The following PDLIM5 variants were observed in gnomAD, a reference collection of about 807,000 sequenced individuals.
PDLIM5 encodes PDZ and LIM domain protein 5.
PDLIM5 carries 34 observed loss-of-function variants against 64.2 expected under a neutral mutation model. That is an observed-to-expected ratio of 0.53 (90% CI 0.40 to 0.71). The LOEUF (loss-of-function observed/expected upper bound fraction) is 0.71, where lower values mean the gene tolerates loss of function less well. Among genes scored for constraint, PDLIM5 ranks in the 30% least tolerant of loss-of-function variants. The pLI is 0.00. For missense variants in PDLIM5, 683 were observed against 733.6 expected (o/e 0.93, Z 0.80); for synonymous variants, 253 against 269.1 (o/e 0.94, Z 0.59).
At chr4:94,572,584 A>G (rs1447254865) in intron 3 of PDLIM5, among the ~76,000 whole-genome samples, 1 of 152,234 alleles carries the variant, frequency 6.6e-6, no homozygotes, top group Non-Finnish European at 1.5e-5. Context: ...TACAAAAAAC[A>G]TATATTTAAA....
intron 3 of PDLIM5, among the ~76,000 whole-genome samples, chr4:94,562,510 G>T (rs990875072): frequency 1.3e-5 from 2 of 152,118 alleles, no homozygotes; most frequent in Non-Finnish European, 2.9e-5. Context: ...TTTGTTCCTG[G>T]TCTGTAGGGA....
At chr4:94,510,631 G>T (rs977497035) in intron 2 of PDLIM5, among the ~76,000 whole-genome samples, 1 of 152,072 alleles carries the variant, frequency 6.6e-6, no homozygotes, top group Admixed American at 6.5e-5. Context: ...CAATGATCTC[G>T]TCTTTTTCAT....
In PDLIM5 at chr4:94,526,310, T is replaced by C. The variant is rs1203376031; in HGVS notation, c.248+2435T>C. On this transcript the variant is annotated intron_variant, in intron 3 of 12. Transcript: ENST00000317968. ...TTATGTAATCTGCTACTGATTCTAA[T>C]AAAGATTCTTTAAGGCTGCTTAAAT... is the stretch of plus-strand genomic sequence containing the variant. Among the ~76,000 whole-genome samples the C allele has an allele frequency of 2.0e-5, 3 of 152,152 alleles. No homozygotes were observed. The East Asian group carries it at 5.8e-4, about 29-fold the overall frequency.
chr4:94,661,216 C>G (rs1333526457), intron 11 of PDLIM5, among the ~76,000 whole-genome samples: 1 of 152,090 alleles, frequency 6.6e-6, no homozygotes, highest in African/African-American at 2.4e-5. Context: ...TACGAAGACC[C>G]TGTCTCTACA....
chr4:94,508,294 T>C (rs1728569199), intron 2 of PDLIM5, among the ~76,000 whole-genome samples: 1 of 152,146 alleles, frequency 6.6e-6, no homozygotes, highest in Admixed American at 6.6e-5. Flanking sequence ...AAAAGCCAAC[T>C]GTGTAGGCTG....
intron 3 of PDLIM5, among the ~76,000 whole-genome samples, chr4:94,526,828 G>A (rs988891824): frequency 7.3e-5 from 11 of 151,430 alleles, no homozygotes; most frequent in African/African-American, 2.4e-4. Flanking sequence ...CACCTCCCAG[G>A]TTCAAGGGAT....
chr4:94,608,443 C>A (rs947514824), intron 7 of PDLIM5, among the ~76,000 whole-genome samples: 1 of 152,136 alleles, frequency 6.6e-6, no homozygotes, highest in African/African-American at 2.4e-5. Flanking sequence ...AACTTGCTGG[C>A]TTTGTCATAA....
intron 7 of PDLIM5, among the ~76,000 whole-genome samples, chr4:94,589,186 C>T (rs1236680004): frequency 6.6e-6 from 1 of 152,012 alleles, no homozygotes; most frequent in Non-Finnish European, 1.5e-5. Flanking sequence ...GTAGAGTAAA[C>T]ATGGTATTTT....
intron 10 of PDLIM5, among the ~76,000 whole-genome samples, chr4:94,656,422 G>A (rs1271285952): frequency 3.3e-5 from 5 of 151,746 alleles, no homozygotes; most frequent in Non-Finnish European, 7.4e-5. Flanking sequence ...TTAACCATTG[G>A]GCCATTGCTG....
intron 2 of PDLIM5, among the ~76,000 whole-genome samples, chr4:94,473,965 C>T (rs750436968): frequency 6.6e-6 from 1 of 152,068 alleles, no homozygotes; most frequent in African/African-American, 2.4e-5. Flanking sequence ...AACAATAATA[C>T]TCACTTTAAA....
intron 7 of PDLIM5, among the ~76,000 whole-genome samples, chr4:94,613,120 A>G (rs1406566446): frequency 6.6e-6 from 1 of 152,090 alleles, no homozygotes; most frequent in Non-Finnish European, 1.5e-5. Context: ...GAGGAATTCT[A>G]TAAAATAAAC....
Position 94,455,279 on chromosome 4 carries a change from CATT to C in PDLIM5, c.-8_-6del. On this transcript the variant is annotated 5_prime_UTR_variant, in exon 2 of 13. Transcript: ENST00000317968. The stretch of plus-strand genomic sequence containing the variant: ...CATTTTCTGTCATTGGACTTTGAGC[CATT>C]AGAACCATGAGCAACTACAGTGTGT... The C allele has an allele frequency of 6.4e-7, 1 of 1,559,850 alleles. No individual in the cohort carries two copies. Among genetic ancestry groups the C allele is most frequent in the East Asian group, 2.2e-5 (1 of 44,612 alleles).
intron 3 of PDLIM5, among the ~76,000 whole-genome samples, chr4:94,564,780 C>G (rs942930154): frequency 4.6e-5 from 7 of 151,508 alleles, no homozygotes; most frequent in Non-Finnish European, 1.0e-4. Context: ...CTCAGCCTCC[C>G]AGGTAGCTAG....
chr4:94,540,768 T>G lies in PDLIM5; in HGVS notation c.248+16893T>G, dbSNP rs1731738691. On this transcript the variant is annotated intron_variant, in intron 3 of 12. Coordinates refer to ENST00000317968, the MANE Select transcript of PDLIM5 (RefSeq NM_006457.5). Reference sequence around the variant, plus strand: ...TATTTAAAACCTGTTCTGCTCCTTTTGTTTAGTATTTCCCTTTTCTTGCCT... The same window carrying G: ...TATTTAAAACCTGTTCTGCTCCTTTGGTTTAGTATTTCCCTTTTCTTGCCT... Among the ~76,000 whole-genome samples the G allele has an allele frequency of 2.0e-5, 3 of 152,244 alleles. No homozygotes were observed. In the South Asian group the frequency reaches 6.2e-4, roughly 31 times the overall value.
intron 8 of PDLIM5, among the ~76,000 whole-genome samples, chr4:94,629,932 G>T (rs1027258886): frequency 2.0e-5 from 3 of 152,180 alleles, no homozygotes; most frequent in Non-Finnish European, 4.4e-5. Context: ...GGATTATGAA[G>T]AGTAGACTAT....
intron 8 of PDLIM5, among the ~76,000 whole-genome samples, chr4:94,618,443 T>C (rs1199109821): frequency 6.6e-6 from 1 of 152,210 alleles, no homozygotes; most frequent in East Asian, 1.9e-4. Flanking sequence ...TTTCCCAGAA[T>C]AGGAAGCATG....
At chr4:94,473,702 G>A (rs1336982232) in intron 2 of PDLIM5, among the ~76,000 whole-genome samples, 1 of 152,196 alleles carries the variant, frequency 6.6e-6, no homozygotes, top group Non-Finnish European at 1.5e-5. Context: ...TTTTTGGTAA[G>A]CAGTAAATAT....
intron 7 of PDLIM5, among the ~76,000 whole-genome samples, chr4:94,610,573 T>A (rs150758979): frequency 1.1e-3 from 168 of 152,324 alleles, no homozygotes; most frequent in African/African-American, 3.8e-3. Flanking sequence ...GTTGTGTGCT[T>A]ATTGTCACTT....
intron 7 of PDLIM5, among the ~76,000 whole-genome samples, chr4:94,612,288 T>C (rs1738434743): frequency 6.6e-6 from 1 of 151,966 alleles, no homozygotes; most frequent in South Asian, 2.1e-4. Flanking sequence ...CTGGGTAACT[T>C]TTAAGGGAGG....
Sources: allele counts gnomAD v4.1 joint callset (sites outside exome capture counted in the v4.1 genomes callset), GRCh38; gene constraint gnomAD v4.1.1; transcripts MANE v1.5; gene names NCBI Gene and HGNC (gene_info 2026-07-23, HGNC 2026-07-21).